The following SNX2 variants were observed in gnomAD, a reference collection of about 807,000 sequenced individuals.
The protein encoded by SNX2 is sorting nexin-2.
In SNX2, 25 loss-of-function variants were observed where a neutral mutation model predicts 69.9. The ratio of observed to expected loss-of-function variants is 0.36; its 90% CI spans 0.26 to 0.50. SNX2 has a LOEUF of 0.50. SNX2 is among the 20% of genes least tolerant of loss of function. The pLI is 0.97. For synonymous variants in SNX2, 229 were observed against 200.4 expected (o/e 1.14, Z -1.20); for missense variants, 551 against 613.3 (o/e 0.90, Z 1.07).
At position 122,803,571 on chromosome 5, in the gene SNX2, G is replaced by A; in HGVS notation, c.601G>A (p.Val201Ile). Residue 201 changes from valine (V) to isoleucine (I), a missense_variant, in exon 6 of 15, where the codon GTT becomes ATT. By Grantham distance (29) the Val-to-Ile change is conservative. Around this residue, in one of 2 missense-constraint regions of SNX2, gnomAD observed 360 missense variants for 450.4 expected, o/e 0.80. Transcript: ENST00000379516. ...HSKLASKYLH[V>I]GYIVPPAPEK... Reference sequence around the variant, plus strand: ...CAAATTAGCAAGCAAATATTTACATGTTGGTTATATTGTGCCACCAGCTCC... The same window carrying A: ...CAAATTAGCAAGCAAATATTTACATATTGGTTATATTGTGCCACCAGCTCC... 1 of 1,611,850 alleles carries A rather than the reference G, an allele frequency of 6.2e-7. No homozygotes were observed. The highest frequency in any genetic ancestry group is 8.5e-7 in the Non-Finnish European group (1 of 1,179,224).
intron 6 of SNX2, among the ~76,000 whole-genome samples, chr5:122,804,714 A>T (rs1753595057): frequency 6.6e-6 from 1 of 152,154 alleles, no homozygotes. Flanking sequence ...AACTGCAGAA[A>T]ATTACAAAAG....
At chr5:122,817,513 C>G (rs2150014719) in intron 10 of SNX2, 140 bp downstream of exon 10, 1 of 572,056 alleles carries the variant, frequency 1.7e-6, no homozygotes, top group South Asian at 3.8e-5. Flanking sequence ...TCTAGTTCAA[C>G]TTTATTATGT....
Position 122,816,899 on chromosome 5 carries a change from T to C in SNX2, c.799-16T>C. 6.5e-7 allele frequency: 1 copy of C among 1,542,878 alleles called. No individual in the cohort carries two copies. The highest frequency in any genetic ancestry group is 8.9e-7 in the Non-Finnish European group (1 of 1,118,390). ...TTTAACCGGTTTGTTTGCCCTTATT[T>C]GTCATTCAATTCCAGCTGCCTAGAG... On this transcript the variant is annotated splice_polypyrimidine_tract_variant and intron_variant, in intron 8 of 14. Coordinates refer to ENST00000379516, the MANE Select transcript of SNX2 (RefSeq NM_003100.4).
chr5:122,817,479 AAAC>A (rs1197488185), intron 10 of SNX2, 106 bp downstream of exon 10: 7 of 736,302 alleles, frequency 9.5e-6, no homozygotes, highest in Non-Finnish European at 1.5e-5. Context: ...AGAAGAGAGA[AAAC>A]AATCATTTAA....
In SNX2 at chr5:122,775,129, C is replaced by G. The variant is rs934832922; in HGVS notation, c.26C>G (p.Pro9Arg). The G allele has an allele frequency of 6.3e-6, 10 of 1,593,682 alleles. No individual in the cohort carries two copies. The South Asian group carries it at 1.2e-4, about 18-fold the overall frequency. ...ATGGCGGCCGAGAGGGAACCTCCTC[C>G]GCTGGGGGACGGGAAGCCCACCGAC... MAAEREPP[P>R]LGDGKPTDFE... Residue 9 changes from proline (P) to arginine (R), a missense_variant, in exon 1 of 15, where the codon CCG (proline) becomes CGG (arginine). This residue lies in a region of SNX2 where 191 missense variants were observed against 162.9 expected (regional missense o/e 1.17). Coordinates refer to ENST00000379516, the MANE Select transcript of SNX2 (RefSeq NM_003100.4).
In SNX2 at chr5:122,818,903, G is replaced by C; in HGVS notation, c.1092G>C (p.Leu364Phe). 6.2e-7 allele frequency: 1 copy of C among 1,613,926 alleles called. No homozygotes were observed. Among genetic ancestry groups the C allele is most frequent in the Non-Finnish European group, 8.5e-7 (1 of 1,179,902 alleles). ...ATCATACTGCTTTATCTAGAGCTTT[G>C]TCTCAGCTTGCAGAGGTTGAGGAGA... is the stretch of plus-strand genomic sequence containing the variant. Reference protein sequence around the residue: ...SEDHTALSRALSQLAEVEEKI... With the variant: ...SEDHTALSRAFSQLAEVEEKI... Residue 364 changes from leucine (L) to phenylalanine (F), a missense_variant, in exon 11 of 15, where the codon TTG becomes TTC. Leu to Phe is a conservative substitution (Grantham distance 22, BLOSUM62 0). Coordinates refer to ENST00000379516, the MANE Select transcript of SNX2 (RefSeq NM_003100.4).
intron 11 of SNX2, among the ~76,000 whole-genome samples, chr5:122,822,201 C>G (rs1754040620): frequency 6.6e-6 from 1 of 152,176 alleles, no homozygotes; most frequent in African/African-American, 2.4e-5. Context: ...TCAAGCAATT[C>G]TGCCTCAGCC....
intron 11 of SNX2, among the ~76,000 whole-genome samples, chr5:122,824,375 T>C (rs1754106996): frequency 6.6e-6 from 1 of 152,164 alleles, no homozygotes; most frequent in Non-Finnish European, 1.5e-5. Context: ...TGATAGTGAC[T>C]TTTTCTGAAT....
chr5:122,813,330 T>TA (rs1753822758), intron 7 of SNX2, among the ~76,000 whole-genome samples: 1 of 152,136 alleles, frequency 6.6e-6, no homozygotes, highest in Non-Finnish European at 1.5e-5. Context: ...ATATATAAAC[T>TA]AAAAAATGCA....
chr5:122,812,768 A>G (rs1350142111), intron 7 of SNX2, among the ~76,000 whole-genome samples: 8 of 152,202 alleles, frequency 5.3e-5, no homozygotes, highest in African/African-American at 1.9e-4. Context: ...AGTGCTTAAT[A>G]GGTAGTAAGA....
At chr5:122,794,457 C>T (rs1385949353) in intron 1 of SNX2, among the ~76,000 whole-genome samples, 6 of 152,320 alleles carry the variant, frequency 3.9e-5, no homozygotes, top group African/African-American at 9.6e-5. Flanking sequence ...TTTCCTCTTA[C>T]AGTAAAACAG....
chr5:122,812,463 T>C (rs548713168), intron 7 of SNX2, among the ~76,000 whole-genome samples: 1 of 152,232 alleles, frequency 6.6e-6, no homozygotes, highest in Non-Finnish European at 1.5e-5. Context: ...CTCATTTCCT[T>C]GTTCAAGTTC....
chr5:122,775,840 C>A, intron 1 of SNX2: 1 of 943,266 alleles, frequency 1.1e-6, no homozygotes, highest in Non-Finnish European at 1.3e-6. Context: ...AAATGTAAAG[C>A]TGAAGGCAGG....
intron 5 of SNX2, among the ~76,000 whole-genome samples, 162 bp from the exon 6 acceptor site, chr5:122,803,310 T>C (rs1401030936): frequency 1.1e-5 from 1 of 89,258 alleles, no homozygotes; most frequent in Non-Finnish European, 2.2e-5. Flanking sequence ...ATCTATGGTT[T>C]AGGTTTTTTT....
At chr5:122,778,087 G>C (rs917298294) in intron 1 of SNX2, among the ~76,000 whole-genome samples, 1 of 152,080 alleles carries the variant, frequency 6.6e-6, no homozygotes, top group Non-Finnish European at 1.5e-5. Context: ...GTCTTTCTGT[G>C]CCTGGCTTAT....
intron 2 of SNX2, among the ~76,000 whole-genome samples, chr5:122,798,278 G>C (rs1314069520): frequency 1.3e-5 from 2 of 151,892 alleles, no homozygotes; most frequent in East Asian, 1.9e-4. Flanking sequence ...GTTACGGTAG[G>C]CTTATCTATA....
chr5:122,799,915 A>C, intron 3 of SNX2, 60 bp downstream of exon 3: 1 of 1,296,452 alleles, frequency 7.7e-7, no homozygotes, highest in Non-Finnish European at 1.1e-6. Context: ...CCCACCCAAC[A>C]TCACTCTGCT....
intron 7 of SNX2, among the ~76,000 whole-genome samples, chr5:122,811,367 T>C (rs1476891209): frequency 6.6e-6 from 1 of 152,194 alleles, no homozygotes; most frequent in Admixed American, 6.5e-5. Context: ...TTAGATCATA[T>C]TGAGTGTATT....
At chr5:122,798,380 A>G (rs1753432975) in intron 2 of SNX2, among the ~76,000 whole-genome samples, 1 of 152,194 alleles carries the variant, frequency 6.6e-6, no homozygotes, top group African/African-American at 2.4e-5. Flanking sequence ...TTTTAATATG[A>G]AAAAGTGAAG....
Sources: allele counts gnomAD v4.1 joint callset (sites outside exome capture counted in the v4.1 genomes callset), GRCh38; gene constraint gnomAD v4.1.1; regional missense constraint gnomAD v4.1.1; transcripts MANE v1.5; gene names NCBI Gene and HGNC (gene_info 2026-07-23, HGNC 2026-07-21).